Variants in ADAMTS12 observed in about 807,000 individuals in gnomAD.
ADAMTS12 encodes the protein ADAM metallopeptidase with thrombospondin type 1 motif 12.
ADAMTS12 carries 118 observed loss-of-function variants against 167.8 expected under a neutral mutation model. That is an observed-to-expected ratio of 0.70 (90% CI 0.61 to 0.82). ADAMTS12 has a LOEUF of 0.82. Ranked by LOEUF, ADAMTS12 falls within the 40% of genes least tolerant of loss-of-function variation. The pLI, the probability that ADAMTS12 is intolerant of heterozygous loss-of-function variation, is 0.00. For missense variants in ADAMTS12, 1,916 were observed against 1,998.8 expected (o/e 0.96, Z 0.79); for synonymous variants, 704 against 716.9 (o/e 0.98, Z 0.29).
intron 23 of ADAMTS12, among the ~76,000 whole-genome samples, 187 bp from the exon 24 acceptor site, chr5:33,527,553 T>C (rs147024793): frequency 2.3e-4 from 35 of 152,358 alleles, no homozygotes; most frequent in African/African-American, 7.9e-4. Context: ...TATGCTAAAC[T>C]GAATTATCAG....
intron 2 of ADAMTS12, among the ~76,000 whole-genome samples, chr5:33,765,192 T>C (rs1275139683): frequency 6.6e-6 from 1 of 152,222 alleles, no homozygotes; most frequent in Non-Finnish European, 1.5e-5. Context: ...TGATTTCTAA[T>C]ATATATGCTC....
chr5:33,624,500 A>C, intron 13 of ADAMTS12, 149 bp from the exon 14 acceptor site: 1 of 1,166,544 alleles, frequency 8.6e-7, no homozygotes, highest in Non-Finnish European at 1.2e-6. Flanking sequence ...TGGTGGCAGC[A>C]AGAGGAATAT....
chr5:33,626,600 G>A (rs778351472), intron 13 of ADAMTS12, among the ~76,000 whole-genome samples: 2 of 150,804 alleles, frequency 1.3e-5, no homozygotes, highest in South Asian at 2.1e-4. Context: ...GGTAATGATG[G>A]TGGTGGTGGT....
At chr5:33,569,790 A>T (rs1240725111) in intron 19 of ADAMTS12, among the ~76,000 whole-genome samples, 1 of 152,214 alleles carries the variant, frequency 6.6e-6, no homozygotes, top group Non-Finnish European at 1.5e-5. Context: ...AGACGATCAA[A>T]CTACTCTGAG....
chr5:33,825,753 C>A (rs978387982), intron 2 of ADAMTS12, among the ~76,000 whole-genome samples: 1 of 152,126 alleles, frequency 6.6e-6, no homozygotes, highest in East Asian at 1.9e-4. Flanking sequence ...ATCCATTATA[C>A]AAAAACTCTC....
chr5:33,737,368 T>C (rs1744411301), intron 3 of ADAMTS12, among the ~76,000 whole-genome samples: 1 of 152,176 alleles, frequency 6.6e-6, no homozygotes, highest in Non-Finnish European at 1.5e-5. Context: ...TTTGGAATTT[T>C]TGCAATTCTA....
chr5:33,845,264 C>T (rs1030161952), intron 2 of ADAMTS12, among the ~76,000 whole-genome samples: 9 of 152,150 alleles, frequency 5.9e-5, no homozygotes, highest in Non-Finnish European at 1.0e-4. Flanking sequence ...TATCACTCTT[C>T]AGAGGAGGGA....
intron 3 of ADAMTS12, among the ~76,000 whole-genome samples, chr5:33,748,853 G>A (rs1403171854): frequency 6.6e-6 from 1 of 152,038 alleles, no homozygotes; most frequent in Admixed American, 6.6e-5. Context: ...GCAATGACCT[G>A]GTTCAGCAAG....
chr5:33,823,736 A>G (rs1747949903), intron 2 of ADAMTS12, among the ~76,000 whole-genome samples: 1 of 151,928 alleles, frequency 6.6e-6, no homozygotes, highest in Admixed American at 6.6e-5. Flanking sequence ...CTTATTTTCA[A>G]TATTATGGAA....
chr5:33,686,065 G>T (rs1314089890), intron 3 of ADAMTS12, among the ~76,000 whole-genome samples: 1 of 152,062 alleles, frequency 6.6e-6, no homozygotes, highest in Admixed American at 6.5e-5. Flanking sequence ...TTTCTCTAAG[G>T]CCCCTCCTAT....
At chr5:33,723,765 G>A (rs1340026791) in intron 3 of ADAMTS12, among the ~76,000 whole-genome samples, 1 of 152,164 alleles carries the variant, frequency 6.6e-6, no homozygotes, top group African/African-American at 2.4e-5. Flanking sequence ...CCTGTTGTCA[G>A]ATTGGGGCCA....
intron 2 of ADAMTS12, 183 bp downstream of exon 2, chr5:33,880,936 T>C: frequency 1.2e-6 from 1 of 842,006 alleles, no homozygotes; most frequent in Non-Finnish European, 1.8e-6. Flanking sequence ...TTTGTATCTC[T>C]CAAGTCGATC....
Position 33,546,126 on chromosome 5 carries a change from C to G in ADAMTS12, c.4379G>C (p.Arg1460Thr), listed in dbSNP as rs768445743. Residue 1460 changes from arginine to threonine, a missense_variant, in exon 22 of 24, where the codon AGA becomes ACA. By Grantham distance (71) the Arg-to-Thr change is moderately conservative (BLOSUM62 -1). Transcript: ENST00000504830. ...ATTGCAAGACATGGTGGATGTGGGT[C>G]TTTTTGTCCAATCACAGAGGCCTCC... ...CPGGLCDWTK[R>T]PTSTMSCNEH... 1.2e-6 allele frequency: 2 copies of G among 1,613,972 alleles called. No individual in the cohort carries two copies. Among genetic ancestry groups the G allele is most frequent in the Non-Finnish European group, 8.5e-7 (1 of 1,179,970 alleles).
chr5:33,619,557 C>A (rs553672084), intron 14 of ADAMTS12, among the ~76,000 whole-genome samples: 1 of 152,152 alleles, frequency 6.6e-6, no homozygotes, highest in Non-Finnish European at 1.5e-5. Context: ...AACCAAACCT[C>A]TTTCAAAAAT....
At chr5:33,822,022 T>C (rs1462238872) in intron 2 of ADAMTS12, among the ~76,000 whole-genome samples, 1 of 152,214 alleles carries the variant, frequency 6.6e-6, no homozygotes, top group Non-Finnish European at 1.5e-5. Flanking sequence ...CATTCTGTTT[T>C]GTTTTTACAA....
intron 2 of ADAMTS12, among the ~76,000 whole-genome samples, chr5:33,835,231 A>G (rs974418708): frequency 6.6e-6 from 1 of 152,182 alleles, no homozygotes. Context: ...ACCAAAAGGC[A>G]GGGGGGCCAT....
intron 7 of ADAMTS12, among the ~76,000 whole-genome samples, chr5:33,652,887 A>AT (rs1740917419): frequency 6.6e-6 from 1 of 152,072 alleles, no homozygotes. Context: ...TCCCCATTGT[A>AT]TATTTCTGTA....
At chr5:33,831,011 C>A (rs1322910212) in intron 2 of ADAMTS12, among the ~76,000 whole-genome samples, 1 of 152,048 alleles carries the variant, frequency 6.6e-6, no homozygotes, top group African/African-American at 2.4e-5. Context: ...TCAAAATGAT[C>A]TCCTTCATGG....
chr5:33,571,447 C>T (rs575239118), intron 19 of ADAMTS12, among the ~76,000 whole-genome samples: 2 of 152,268 alleles, frequency 1.3e-5, no homozygotes, highest in South Asian at 4.2e-4. Context: ...GAAACTCCCT[C>T]AAAACCACTC....
Sources: gnomAD v4.1 joint callset for allele counts (sites outside exome capture counted in the v4.1 genomes callset) on GRCh38, gnomAD v4.1.1 for gene constraint, MANE v1.5 for transcripts, NCBI Gene and HGNC (gene_info 2026-07-23, HGNC 2026-07-21) for gene names.